Variants in MARCHF1 observed in about 807,000 individuals in gnomAD.
MARCHF1 encodes the protein membrane associated ring-CH-type finger 1.
In MARCHF1, 40 loss-of-function variants were observed where a neutral mutation model predicts 54.2. The observed-to-expected ratio is 0.74, with a 90% CI of 0.57 to 0.96. The LOEUF (loss-of-function observed/expected upper bound fraction) is 0.96, where lower values mean the gene tolerates loss of function less well. Among genes scored for constraint, MARCHF1 ranks in the 40% least tolerant of loss-of-function variants. MARCHF1 has a pLI of 0.00. For missense variants in MARCHF1, 586 were observed against 656.5 expected, an observed-to-expected ratio of 0.89 and a Z score of 1.17; for synonymous variants, 236 against 236.3, an observed-to-expected ratio of 1.00 and a Z score of 0.01.
At chr4:164,186,711 T>G (rs1003158885) in intron 1 of MARCHF1, among the ~76,000 whole-genome samples, 2 of 152,202 alleles carry the variant, frequency 1.3e-5, no homozygotes, top group Non-Finnish European at 2.9e-5. Context: ...ATTTAAGAAC[T>G]CTAAGTTTTG....
intron 2 of MARCHF1, among the ~76,000 whole-genome samples, chr4:164,093,552 A>G (rs1755347995): frequency 6.6e-6 from 1 of 152,102 alleles, no homozygotes; most frequent in Non-Finnish European, 1.5e-5. Flanking sequence ...TACCCAAACT[A>G]TATTTCCCAG....
At chr4:163,765,151 T>C (rs1266889619) in intron 4 of MARCHF1, among the ~76,000 whole-genome samples, 3 of 152,052 alleles carry the variant, frequency 2.0e-5, no homozygotes, top group Non-Finnish European at 2.9e-5. Flanking sequence ...AATTGGCAAA[T>C]TCTACAAATG....
Position 164,076,568 on chromosome 4 carries a change from G to C in MARCHF1, c.-248+35020C>G, listed in dbSNP as rs145038836. Among the ~76,000 whole-genome samples the C allele has an allele frequency of 2.0e-4, 31 of 152,228 alleles. 1 individual carries two copies. Among genetic ancestry groups the C allele is most frequent in the African/African-American group, 6.5e-4 (27 of 41,542 alleles). ...AATCAGGCAAGAAAAATAAATAAAG[G>C]GCATTCAAACAGGAAGAGAGGAAGT... is the stretch of plus-strand genomic sequence containing the variant. On this transcript the variant is annotated intron_variant, in intron 2 of 9. Coordinates refer to ENST00000514618, the MANE Select transcript of MARCHF1 (RefSeq NM_001394959.1).
intron 3 of MARCHF1, among the ~76,000 whole-genome samples, chr4:163,967,609 T>C (rs962979436): frequency 2.6e-5 from 4 of 152,174 alleles, no homozygotes; most frequent in Admixed American, 1.3e-4. Context: ...CGTAGACAGT[T>C]GATGGCTGTC....
intron 1 of MARCHF1, among the ~76,000 whole-genome samples, chr4:164,205,128 T>A (rs1579622059): frequency 6.6e-6 from 1 of 152,162 alleles, no homozygotes; most frequent in Admixed American, 6.5e-5. Flanking sequence ...TATAAACACT[T>A]TATTCTTAAT....
chr4:164,014,515 T>C (rs1173697064), intron 2 of MARCHF1, among the ~76,000 whole-genome samples: 3 of 151,994 alleles, frequency 2.0e-5, no homozygotes, highest in Non-Finnish European at 4.4e-5. Context: ...ACAAAACAGA[T>C]AACAGAATGG....
chr4:163,742,284 G>A (rs1000337728), intron 4 of MARCHF1, among the ~76,000 whole-genome samples: 1 of 151,796 alleles, frequency 6.6e-6, no homozygotes, highest in African/African-American at 2.4e-5. Context: ...TCAATTATTG[G>A]CTAGTACTAA....
intron 2 of MARCHF1, among the ~76,000 whole-genome samples, chr4:164,098,546 C>A (rs776316877): frequency 5.9e-5 from 9 of 152,314 alleles, no homozygotes; most frequent in Admixed American, 2.0e-4. Flanking sequence ...CAGTCTTACA[C>A]TTCAATCTTA....
At chr4:164,042,015 C>T (rs925302694) in intron 2 of MARCHF1, among the ~76,000 whole-genome samples, 14 of 152,214 alleles carry the variant, frequency 9.2e-5, no homozygotes, top group East Asian at 1.9e-4. Flanking sequence ...CACTTATTGC[C>T]GCAGCTCCCA....
intron 3 of MARCHF1, among the ~76,000 whole-genome samples, chr4:163,942,853 T>C (rs1448839887): frequency 6.6e-6 from 1 of 152,106 alleles, no homozygotes; most frequent in Non-Finnish European, 1.5e-5. Flanking sequence ...TCTTACTCAT[T>C]AGTTTCTTCA....
At chr4:163,967,181 T>C (rs1752458752) in intron 3 of MARCHF1, among the ~76,000 whole-genome samples, 1 of 152,094 alleles carries the variant, frequency 6.6e-6, no homozygotes, top group Non-Finnish European at 1.5e-5. Context: ...GGAAATTAAA[T>C]TTCCAATAAG....
chr4:164,334,035 A>C (rs992225439), intron 1 of MARCHF1, among the ~76,000 whole-genome samples: 1 of 152,228 alleles, frequency 6.6e-6, no homozygotes, highest in Non-Finnish European at 1.5e-5. Flanking sequence ...AGAAAGCTGC[A>C]GAAGAAAAGT....
chr4:163,567,699 T>G (rs1739692727), intron 8 of MARCHF1, among the ~76,000 whole-genome samples: 2 of 152,196 alleles, frequency 1.3e-5, no homozygotes, highest in Non-Finnish European at 2.9e-5. Context: ...ACACAATGAT[T>G]ATGAGACCTC....
chr4:163,543,554 A>G (rs1738794289), intron 9 of MARCHF1, among the ~76,000 whole-genome samples: 1 of 152,108 alleles, frequency 6.6e-6, no homozygotes, highest in African/African-American at 2.4e-5. Flanking sequence ...GGAGTGGGAA[A>G]TGAATTTGGG....
chr4:164,271,595 C>T (rs528478201), intron 1 of MARCHF1, among the ~76,000 whole-genome samples: 1 of 152,158 alleles, frequency 6.6e-6, no homozygotes, highest in East Asian at 1.9e-4. Context: ...TTTTAGGTCA[C>T]TTAGTTTGTA....
chr4:163,627,751 A>G (rs904158019), intron 5 of MARCHF1, among the ~76,000 whole-genome samples: 1 of 151,926 alleles, frequency 6.6e-6, no homozygotes, highest in African/African-American at 2.4e-5. Flanking sequence ...CAGCAGTGGG[A>G]GAATAGAGTG....
intron 1 of MARCHF1, chr4:164,383,509 CG>C (rs1673016209): frequency 6.6e-6 from 1 of 152,338 alleles, no homozygotes; most frequent in Admixed American, 6.5e-5. Flanking sequence ...ACTAGTACCA[CG>C]CCGGTGTAAA....
At chr4:163,545,458 G>A in intron 9 of MARCHF1, 138 bp downstream of exon 9, 1 of 711,820 alleles carries the variant, frequency 1.4e-6, no homozygotes, top group Non-Finnish European at 2.2e-6. Flanking sequence ...ACATGATTAG[G>A]GAAGAATCAA....
intron 4 of MARCHF1, among the ~76,000 whole-genome samples, chr4:163,724,013 T>C (rs1182532840): frequency 6.6e-6 from 1 of 152,242 alleles, no homozygotes; most frequent in Non-Finnish European, 1.5e-5. Flanking sequence ...TGAAGCCTTC[T>C]TCTCTCAACT....
Sources: allele counts gnomAD v4.1 joint callset (sites outside exome capture counted in the v4.1 genomes callset), GRCh38; gene constraint gnomAD v4.1.1; transcripts MANE v1.5; gene names NCBI Gene and HGNC (gene_info 2026-07-23, HGNC 2026-07-21).